Variants in NDNF observed in about 807,000 individuals in gnomAD.
The protein encoded by NDNF is protein NDNF.
NDNF carries 16 observed loss-of-function variants against 42.0 expected under a neutral mutation model. The ratio of observed to expected loss-of-function variants is 0.38; its 90% CI spans 0.26 to 0.58. The LOEUF (loss-of-function observed/expected upper bound fraction) is 0.58. Ranked by LOEUF, NDNF falls within the 20% of genes least tolerant of loss-of-function variation. NDNF has a pLI of 0.67. For missense variants in NDNF, 616 were observed against 666.2 expected (o/e 0.92, Z 0.83); for synonymous variants, 248 against 251.7 (o/e 0.99, Z 0.14).
At chr4:121,069,697 G>C (rs1727557407) in intron 1 of NDNF, among the ~76,000 whole-genome samples, 1 of 152,230 alleles carries the variant, frequency 6.6e-6, no homozygotes, top group Non-Finnish European at 1.5e-5. Context: ...ATTCACTGAA[G>C]TGATGAACTG....
intron 1 of NDNF, among the ~76,000 whole-genome samples, chr4:121,057,106 A>C (rs1329086543): frequency 6.6e-6 from 1 of 152,206 alleles, no homozygotes; most frequent in East Asian, 1.9e-4. Context: ...ATGAAAAACA[A>C]GTAAAGAACA....
chr4:121,045,571 C>T, intron 2 of NDNF, 79 bp downstream of exon 2: 1 of 1,248,930 alleles, frequency 8.0e-7, no homozygotes, highest in Non-Finnish European at 1.1e-6. Context: ...ATTACCTAAA[C>T]TAAGTCTAAA....
At chr4:121,042,781 G>A (rs1218614104) in intron 2 of NDNF, among the ~76,000 whole-genome samples, 1 of 152,148 alleles carries the variant, frequency 6.6e-6, no homozygotes, top group African/African-American at 2.4e-5. Flanking sequence ...GTGAATAACA[G>A]AGCTAAGCAA....
At chr4:121,048,851 T>C (rs1422418372) in intron 1 of NDNF, among the ~76,000 whole-genome samples, 1 of 151,944 alleles carries the variant, frequency 6.6e-6, no homozygotes, top group Non-Finnish European at 1.5e-5. Context: ...GAAAAAAAAA[T>C]CTGAGATAAA....
chr4:121,053,695 C>G (rs540465009), intron 1 of NDNF, among the ~76,000 whole-genome samples: 1 of 152,170 alleles, frequency 6.6e-6, no homozygotes, highest in Non-Finnish European at 1.5e-5. Flanking sequence ...ATCAAAATGT[C>G]CTCTATATGT....
Position 121,036,355 on chromosome 4 carries a change from T to G in NDNF, c.1616A>C (p.Lys539Thr). ...TETIKGLQPG[K>T]SYLLDVYVIG... is the part of the protein sequence containing the mutation. ...GACATAAACATCCAGCAGGTAAGAT[T>G]TGCCAGGCTGAAGACCTTTAATTGT... Residue 539 changes from lysine (K) to threonine (T), a missense_variant, in exon 4 of 4, where the codon AAA becomes ACA. Transcript: ENST00000379692. 2 of 1,614,172 alleles carry G rather than the reference T, an allele frequency of 1.2e-6. No individual in the cohort carries two copies. Among genetic ancestry groups the G allele is most frequent in the South Asian group, 1.1e-5 (1 of 91,080 alleles).
intron 2 of NDNF, among the ~76,000 whole-genome samples, chr4:121,041,166 T>C (rs576041510): frequency 6.4e-4 from 97 of 152,340 alleles, no homozygotes; most frequent in African/African-American, 2.2e-3. Flanking sequence ...AGAATAAAAA[T>C]ATTGCTTAAC....
At chr4:121,048,126 A>C (rs1157006114) in intron 1 of NDNF, among the ~76,000 whole-genome samples, 1 of 152,224 alleles carries the variant, frequency 6.6e-6, no homozygotes, top group Non-Finnish European at 1.5e-5. Flanking sequence ...AATACCATAG[A>C]CATGCCACAT....
At chr4:121,068,721 G>A (rs1727540696) in intron 1 of NDNF, among the ~76,000 whole-genome samples, 2 of 151,920 alleles carry the variant, frequency 1.3e-5, no homozygotes, top group Admixed American at 6.6e-5. Flanking sequence ...GTGAGACAGA[G>A]AGAGAGAGAG....
chr4:121,063,699 G>A (rs894068825), intron 1 of NDNF, among the ~76,000 whole-genome samples: 2 of 152,032 alleles, frequency 1.3e-5, no homozygotes, highest in African/African-American at 2.4e-5. Context: ...TGGGGGTGTC[G>A]GGGGGGCCAT....
At chr4:121,048,779 A>G (rs1189151511) in intron 1 of NDNF, among the ~76,000 whole-genome samples, 1 of 152,208 alleles carries the variant, frequency 6.6e-6, no homozygotes, top group Non-Finnish European at 1.5e-5. Context: ...CGGAGGTTGT[A>G]GTGAGCCAAG....
chr4:121,059,202 T>C (rs1045921249), intron 1 of NDNF, among the ~76,000 whole-genome samples: 2 of 152,094 alleles, frequency 1.3e-5, no homozygotes, highest in Non-Finnish European at 2.9e-5. Flanking sequence ...TATTCTGGAG[T>C]TTCCTAAGGG....
intron 1 of NDNF, among the ~76,000 whole-genome samples, chr4:121,055,073 A>G (rs927714697): frequency 4.0e-5 from 6 of 151,876 alleles, no homozygotes; most frequent in African/African-American, 1.5e-4. Flanking sequence ...GGCTCGGGTG[A>G]TCCTTCCGTC....
rs953423437 is a variant in NDNF, at chr4:121,072,459, C to A, written c.-468G>T. On this transcript the variant is annotated 5_prime_UTR_variant, in exon 1 of 4. Transcript: ENST00000379692. ...CGCGCGGGGTGCTGGGAGAGCCGGG[C>A]GCACGGGGCGGCAGCGGCCGTGGCG... 6.6e-6 allele frequency: 1 copy of A among 151,844 alleles called. No individual in the cohort carries two copies. The highest frequency in any genetic ancestry group is 2.4e-5 in the African/African-American group (1 of 41,404). 9.4% of individuals were successfully genotyped at this position (151,844 alleles called of 1,614,324 possible).
intron 1 of NDNF, among the ~76,000 whole-genome samples, chr4:121,047,577 T>C (rs185695935): frequency 1.4e-4 from 22 of 152,322 alleles, no homozygotes; most frequent in African/African-American, 5.1e-4. Context: ...CCACTCTTAT[T>C]TCTTAATTGT....
rs754784780 is a variant in NDNF, at chr4:121,037,157, G to A, written c.814C>T (p.Pro272Ser). 1.2e-6 allele frequency: 2 copies of A among 1,614,008 alleles called. No individual in the cohort carries two copies. Among genetic ancestry groups the A allele is most frequent in the South Asian group, 2.2e-5 (2 of 91,062 alleles). ...SGKERSFQAK[P>S]SPKLGRHVYS... ...ACATGACGCCCCAGTTTTGGAGAAG[G>A]CTTTGCCTGGAAACTGCGTTCTTTA... Residue 272 changes from proline (P) to serine (S), a missense_variant, in exon 4 of 4, where the codon CCT becomes TCT. Transcript: ENST00000379692.
At chr4:121,041,076 A>G (rs1726989559) in intron 2 of NDNF, among the ~76,000 whole-genome samples, 1 of 152,204 alleles carries the variant, frequency 6.6e-6, no homozygotes, top group Admixed American at 6.5e-5. Context: ...TAAATAACTT[A>G]ATGATTTTAA....
At chr4:121,043,924 G>A (rs6832737) in intron 2 of NDNF, among the ~76,000 whole-genome samples, 9,075 of 152,258 alleles carry the variant, frequency 0.06, 869 homozygotes, top group African/African-American at 0.2. Flanking sequence ...TGCTTTGTAT[G>A]CCTTTTACTG....
chr4:121,059,534 T>G (rs1046012404), intron 1 of NDNF, among the ~76,000 whole-genome samples: 1 of 152,386 alleles, frequency 6.6e-6, no homozygotes, highest in East Asian at 1.9e-4. Flanking sequence ...TCCACTGGCA[T>G]GGCTGCCATA....
Sources: gnomAD v4.1 joint callset for allele counts (sites outside exome capture counted in the v4.1 genomes callset) on GRCh38, gnomAD v4.1.1 for gene constraint, MANE v1.5 for transcripts, NCBI Gene and HGNC (gene_info 2026-07-23, HGNC 2026-07-21) for gene names.